Variants in SYNE2 observed in about 807,000 individuals in gnomAD.
SYNE2 encodes nesprin-2.
A neutral mutation model predicts 856.3 loss-of-function variants in SYNE2; 431 were observed. That is an observed-to-expected ratio of 0.50 (90% CI 0.47 to 0.55). SYNE2 has a LOEUF of 0.55. Ranked by LOEUF, SYNE2 falls within the 20% of genes least tolerant of loss-of-function variation. The pLI is 0.00. For missense variants in SYNE2, 8,129 were observed against 8,023.2 expected, an observed-to-expected ratio of 1.01 and a Z score of -0.50; for synonymous variants, 2,923 against 2,872.3, an observed-to-expected ratio of 1.02 and a Z score of -0.56.
chr14:64,042,117 G>C (rs1567135269), intron 45 of SYNE2, among the ~76,000 whole-genome samples: 1 of 152,102 alleles, frequency 6.6e-6, no homozygotes, highest in Admixed American at 6.5e-5. Context: ...TAGTCTAACA[G>C]ATGAAAAATT....
chr14:64,225,705 C>T lies in SYNE2; in HGVS notation c.*179C>T. The T allele has an allele frequency of 1.4e-6, 1 of 710,230 alleles. No individual in the cohort carries two copies. The highest frequency in any genetic ancestry group is 2.2e-5 in the Admixed American group (1 of 45,156). 44.0% of individuals were successfully genotyped at this position (710,230 alleles called of 1,614,324 possible). On this transcript the variant is annotated 3_prime_UTR_variant, in exon 116 of 116. Transcript: ENST00000555002. The stretch of plus-strand genomic sequence containing the variant: ...CCAGGGCAGCTTTCAGATTGTGTTC[C>T]TCCCCAGGAGCAGGGAACCTGTGTG...
intron 1 of SYNE2, among the ~76,000 whole-genome samples, chr14:63,773,892 T>C (rs543468460): frequency 7.9e-5 from 12 of 152,336 alleles, no homozygotes; most frequent in African/African-American, 2.6e-4. Flanking sequence ...CACATCTTGT[T>C]TGAAATACGA....
chr14:63,904,053 T>C (rs1427342781), intron 1 of SYNE2, among the ~76,000 whole-genome samples: 1 of 152,186 alleles, frequency 6.6e-6, no homozygotes, highest in Non-Finnish European at 1.5e-5. Context: ...TAGCTCCCAC[T>C]TTTAAGTGAA....
chr14:64,053,324 C>T lies in SYNE2; in HGVS notation c.9411C>T (p.Leu3137=). The T allele has an allele frequency of 3.1e-6, 5 of 1,610,770 alleles. No homozygotes were observed. Among genetic ancestry groups the T allele is most frequent in the Non-Finnish European group, 4.2e-6 (5 of 1,179,276 alleles). ...AEENDKLYKV[L]QNMVLELSPK... is the part of the protein sequence containing the mutation. ...AAAATGATAAGTTATACAAAGTTCT[C>T]CAAAACATGGTATTAGAACTCTCAC... Residue 3137 remains leucine (L), a synonymous_variant, in exon 48 of 116, where the codon CTC becomes CTT. Transcript: ENST00000555002.
chr14:63,944,850 GAAA>G (rs2095999022), intron 6 of SYNE2, among the ~76,000 whole-genome samples: 1 of 14,146 alleles, frequency 7.1e-5, no homozygotes, highest in African/African-American at 3.9e-4. Context: ...TTTTTTTTTT[GAAA>G]CTTCTGTATT....
chr14:64,087,526 A>C, intron 57 of SYNE2, 145 bp from the exon 58 acceptor site: 1 of 849,616 alleles, frequency 1.2e-6, no homozygotes, highest in Non-Finnish European at 2.1e-6. Context: ...TTGACAATAG[A>C]GGGTGTTCTG....
chr14:64,164,978 C>T (rs1166411133), intron 89 of SYNE2, among the ~76,000 whole-genome samples: 1 of 152,032 alleles, frequency 6.6e-6, no homozygotes, highest in Non-Finnish European at 1.5e-5. Flanking sequence ...GCCTTGACCT[C>T]CCAGGTTCAG....
chr14:64,114,524 C>A (rs1021408553), intron 66 of SYNE2, among the ~76,000 whole-genome samples: 4 of 152,162 alleles, frequency 2.6e-5, no homozygotes, highest in Non-Finnish European at 5.9e-5. Flanking sequence ...GCATTCTCCC[C>A]TTCTATGTAA....
chr14:63,779,737 C>A (rs906211477), intron 1 of SYNE2, among the ~76,000 whole-genome samples: 2 of 152,014 alleles, frequency 1.3e-5, no homozygotes, highest in Non-Finnish European at 2.9e-5. Context: ...CATGGCAAAA[C>A]CCCATCTCTA....
chr14:64,188,571 A>T lies in SYNE2; in HGVS notation c.17734A>T (p.Ile5912Phe), dbSNP rs142362101. 1 of 1,614,232 alleles carries T rather than the reference A, an allele frequency of 6.2e-7. No individual in the cohort carries two copies. The highest frequency in any genetic ancestry group is 1.3e-5 in the African/African-American group (1 of 75,046). The stretch of plus-strand genomic sequence containing the variant: ...GCAGGTGGCCATACGTAAACAGGAG[A>T]TTGAAGACAGACTCAATACATGGGT... ...CLRVAIRKQE[I>F]EDRLNTWVVF... The change falls in exon 98 of 116, where the codon ATT (isoleucine) becomes TTT (phenylalanine). Residue 5912 changes from isoleucine (I) to phenylalanine (F), a missense_variant. Physicochemically the swap from Ile to Phe is conservative, Grantham distance 21. This residue lies in a region of SYNE2 where 5,410 missense variants were observed against 5,284.8 expected (regional missense o/e 1.02). Coordinates refer to ENST00000555002, the MANE Select transcript of SYNE2 (RefSeq NM_182914.3).
chr14:63,987,763 A>G (rs1352832609), intron 19 of SYNE2, among the ~76,000 whole-genome samples: 3 of 146,914 alleles, frequency 2.0e-5, no homozygotes, highest in Non-Finnish European at 4.4e-5. Flanking sequence ...TAAATATTTA[A>G]AAATTTTTTA....
chr14:64,186,750 A>G (rs1252995628), intron 97 of SYNE2, among the ~76,000 whole-genome samples, 171 bp downstream of exon 97: 1 of 152,120 alleles, frequency 6.6e-6, no homozygotes, highest in African/African-American at 2.4e-5. Context: ...AACAGATTTG[A>G]CCCTTTTGTT....
chr14:63,852,931 A>C (rs1890696356), upstream of SYNE2: 1 of 151,540 alleles, frequency 6.6e-6, no homozygotes, highest in Non-Finnish European at 1.5e-5. Context: ...CGGGACCCGG[A>C]GGCGGGCGGC....
At position 63,909,159 on chromosome 14, in the gene SYNE2, G is replaced by A. The variant is rs750823503; in HGVS notation, c.11G>A (p.Ser4Asn). The change falls in exon 2 of 116, where the codon AGT (serine) becomes AAT (asparagine). Residue 4 changes from serine (S) to asparagine (N), a missense_variant. Ser to Asn is a conservative substitution (Grantham distance 46). Around this residue, in one of 3 missense-constraint regions of SYNE2, gnomAD observed 2,422 missense variants for 2,357.4 expected, o/e 1.03. Transcript: ENST00000555002. MAS[S>N]PELPTEDEQG... ...CCATTGAGTCAAAGAATGGCATCTAGTCCTGAGCTTCCCACCGAAGATGAA... is the reference window on the plus strand; with the variant it reads ...CCATTGAGTCAAAGAATGGCATCTAATCCTGAGCTTCCCACCGAAGATGAA... 3.1e-6 allele frequency: 5 copies of A among 1,611,752 alleles called. No homozygotes were observed. The highest frequency in any genetic ancestry group is 3.3e-5 in the Admixed American group (2 of 59,930).
intron 45 of SYNE2, among the ~76,000 whole-genome samples, chr14:64,036,979 A>G (rs2097095443): frequency 1.3e-5 from 2 of 152,152 alleles, no homozygotes; most frequent in Admixed American, 6.5e-5. Context: ...ACCTAGTTCC[A>G]TGATAGTCTT....
rs578235917 is a variant in SYNE2 at position 63,855,398 on chromosome 14, C to T, written c.-52+2255C>T. 1.2e-3 allele frequency among the ~76,000 whole-genome samples: 185 copies of T among 152,306 alleles called. 1 individual carries two copies. Among genetic ancestry groups the T allele is most frequent in the Non-Finnish European group, 2.0e-3 (135 of 68,014 alleles). On this transcript the variant is annotated intron_variant, in intron 1 of 115. Coordinates refer to ENST00000555002, the MANE Select transcript of SYNE2 (RefSeq NM_182914.3). ...CTGACAGTGGCTCCCAGAACAACCT[C>T]TTTTGGCTTCCCTGCCTCTCCATGC...
chr14:64,003,459 CA>C, intron 30 of SYNE2, 129 bp downstream of exon 30: 1 of 1,256,702 alleles, frequency 8.0e-7, no homozygotes, highest in Non-Finnish European at 1.1e-6. Flanking sequence ...CAGTGTTCAG[CA>C]TTCTTTTCTG....
At chr14:64,106,598 G>A (rs1385230579) in intron 64 of SYNE2, among the ~76,000 whole-genome samples, 4 of 152,160 alleles carry the variant, frequency 2.6e-5, no homozygotes, top group South Asian at 2.1e-4. Flanking sequence ...GTGGTGAGCC[G>A]AGATCGTGCC....
Position 63,909,205 on chromosome 14 carries a change from C to T in SYNE2, c.57C>T (p.Asp19=), listed in dbSNP as rs749130552. ...TEDEQGSWGI[D]DLHISLQAEQ... ...ATGAACAGGGTTCCTGGGGCATCGA[C>T]GATCTCCATATTTCATTGCAAGGTA... The change falls in exon 2 of 116, where the codon GAC becomes GAT. Residue 19 remains aspartate (D), a synonymous_variant. Transcript: ENST00000555002. The T allele has an allele frequency of 1.5e-5, 24 of 1,612,472 alleles. No homozygotes were observed. Among genetic ancestry groups the T allele is most frequent in the Admixed American group, 6.7e-5 (4 of 59,858 alleles).
Sources: gnomAD v4.1 joint callset for allele counts (sites outside exome capture counted in the v4.1 genomes callset) on GRCh38, gnomAD v4.1.1 for gene constraint, gnomAD v4.1.1 regional missense constraint, MANE v1.5 for transcripts, NCBI Gene and HGNC (gene_info 2026-07-23, HGNC 2026-07-21) for gene names.